Variants in DOK6 observed in about 807,000 individuals in gnomAD.
The protein encoded by DOK6 is downstream of tyrosine kinase 6.
A neutral mutation model predicts 44.0 loss-of-function variants in DOK6; 22 were observed. The observed-to-expected ratio is 0.50, with a 90% confidence interval of 0.36 to 0.71. The LOEUF is 0.71. Ranked by LOEUF, DOK6 falls within the 30% of genes least tolerant of loss-of-function variation. The pLI, the probability that DOK6 is intolerant of heterozygous loss-of-function variation, is 0.00. For missense variants in DOK6, 340 were observed against 416.4 expected (o/e 0.82, Z 1.60); for synonymous variants, 166 against 145.5 (o/e 1.14, Z -1.01).
intron 1 of DOK6, among the ~76,000 whole-genome samples, chr18:69,536,413 A>G (rs1982123818): frequency 6.6e-6 from 1 of 152,346 alleles, no homozygotes; most frequent in East Asian, 1.9e-4. Context: ...TAAAACTGCA[A>G]AGTAAAAGGG....
chr18:69,848,027 AC>A lies in DOK6; in HGVS notation c.*6645del, dbSNP rs1442213429. On this transcript the variant is annotated 3_prime_UTR_variant, in exon 8 of 8. Transcript: ENST00000382713. ...CCAACCTTAGTGCATGCTCACACAC[AC>A]ACACACACACACACACACACACACA... is the stretch of plus-strand genomic sequence containing the variant. The A allele has an allele frequency of 5.7e-4, 10 of 17,576 alleles. No individual in the cohort carries two copies. In the East Asian group the frequency reaches 0.045, roughly 78 times the overall value. 1.1% of individuals were successfully genotyped at this position (17,576 alleles called of 1,614,324 possible).
chr18:69,534,901 T>C (rs1329981100), intron 1 of DOK6, among the ~76,000 whole-genome samples: 1 of 152,140 alleles, frequency 6.6e-6, no homozygotes, highest in African/African-American at 2.4e-5. Context: ...TATAAAGACT[T>C]TTGAACGTTA....
chr18:69,653,507 T>C (rs956534737), intron 3 of DOK6, among the ~76,000 whole-genome samples: 3 of 151,988 alleles, frequency 2.0e-5, no homozygotes, highest in Non-Finnish European at 2.9e-5. Context: ...TAAGAGAACT[T>C]CCAATAGACT....
chr18:69,492,761 G>T (rs1395754793), intron 1 of DOK6, among the ~76,000 whole-genome samples: 1 of 130,778 alleles, frequency 7.6e-6, no homozygotes, highest in Non-Finnish European at 1.8e-5. Context: ...TTTTTCTATG[G>T]CTGCATAATA....
At chr18:69,693,004 G>T (rs970614497) in intron 4 of DOK6, among the ~76,000 whole-genome samples, 3 of 152,108 alleles carry the variant, frequency 2.0e-5, no homozygotes, top group Non-Finnish European at 4.4e-5. Flanking sequence ...TGTCACCAAT[G>T]ATCTAAATCA....
rs544858236 is a variant in DOK6, at chr18:69,726,881, G to A, written c.600-12084G>A. 6.4e-4 allele frequency among the ~76,000 whole-genome samples: 97 copies of A among 151,034 alleles called. 1 individual carries two copies. The highest frequency in any genetic ancestry group is 2.2e-3 in the African/African-American group (92 of 41,150). ...AAAAAAAAAAAAAAATTGAGACAGA[G>A]CCTCACTCTGTCACCCAGGCTGGAG... On this transcript the variant is annotated intron_variant, in intron 5 of 7. Transcript: ENST00000382713.
chr18:69,631,853 A>C (rs1984697954), intron 3 of DOK6, among the ~76,000 whole-genome samples: 1 of 152,208 alleles, frequency 6.6e-6, no homozygotes, highest in African/African-American at 2.4e-5. Context: ...GTTTCCTGAA[A>C]ATACATTTGT....
rs190745248 is a variant in DOK6 at position 69,583,697 on chromosome 18, G to A, written c.175-15687G>A. On this transcript the variant is annotated intron_variant, in intron 2 of 7. Transcript: ENST00000382713. ...TGTAAGAGGCTGAGGCAGCAGGATC[G>A]CTTGAGGCCAGGAAATCAAGACCAG... Among the ~76,000 whole-genome samples, 754 of 148,240 alleles carry A rather than the reference G, an allele frequency of 5.1e-3. 4 individuals are homozygous for A. Among genetic ancestry groups the A allele is most frequent in the African/African-American group, 0.017 (656 of 38,852 alleles).
chr18:69,708,988 T>G (rs1986698581), intron 5 of DOK6, among the ~76,000 whole-genome samples: 1 of 152,190 alleles, frequency 6.6e-6, no homozygotes, highest in African/African-American at 2.4e-5. Flanking sequence ...AGCATGATTT[T>G]GTAGCTTGAG....
chr18:69,587,864 G>A (rs1176015459), intron 2 of DOK6, among the ~76,000 whole-genome samples: 1 of 151,898 alleles, frequency 6.6e-6, no homozygotes, highest in African/African-American at 2.4e-5. Flanking sequence ...GTATTTCCCA[G>A]ACTTGAATAT....
rs557138233 is a variant in DOK6 at position 69,782,316 on chromosome 18, A to C, written c.856+24443A>C. Among the ~76,000 whole-genome samples the C allele has an allele frequency of 2.0e-5, 3 of 148,328 alleles. No individual in the cohort carries two copies. In the South Asian group the frequency reaches 6.4e-4, roughly 32 times the overall value. Reference sequence around the variant, plus strand: ...AAGCTCCACCTCCCAGGTTCACGCCATTCTCCTCCCTCAGCCTCCTGAGTA... The same window carrying C: ...AAGCTCCACCTCCCAGGTTCACGCCCTTCTCCTCCCTCAGCCTCCTGAGTA... On this transcript the variant is annotated intron_variant, in intron 7 of 7. Transcript: ENST00000382713.
At chr18:69,484,690 A>C (rs184948392) in intron 1 of DOK6, among the ~76,000 whole-genome samples, 151 of 152,254 alleles carry the variant, frequency 9.9e-4, no homozygotes, top group African/African-American at 3.5e-3. Flanking sequence ...TGATTCATTA[A>C]CATTGAACTC....
chr18:69,625,762 A>G (rs1984544234), intron 3 of DOK6, among the ~76,000 whole-genome samples: 1 of 152,236 alleles, frequency 6.6e-6, no homozygotes, highest in African/African-American at 2.4e-5. Flanking sequence ...CACATAAAAT[A>G]TTGGAAGACT....
At chr18:69,505,515 T>G (rs1328391524) in intron 1 of DOK6, among the ~76,000 whole-genome samples, 3 of 143,024 alleles carry the variant, frequency 2.1e-5, no homozygotes, top group African/African-American at 7.8e-5. Flanking sequence ...TTTTTTTTTT[T>G]GAAACAGAGT....
chr18:69,436,207 T>G (rs891139132), intron 1 of DOK6, among the ~76,000 whole-genome samples: 1 of 151,158 alleles, frequency 6.6e-6, no homozygotes. Context: ...CTGGGATACA[T>G]GTGCAGAACG....
At position 69,589,032 on chromosome 18, in the gene DOK6, C is replaced by G. The variant is rs138235143; in HGVS notation, c.175-10352C>G. ...TGTACACATTCATTTTTATCAGCAA[C>G]AGGAGGCAAATATAAGGAAGCAGCT... On this transcript the variant is annotated intron_variant, in intron 2 of 7. Transcript: ENST00000382713. Among the ~76,000 whole-genome samples the G allele has an allele frequency of 6.4e-3, 968 of 151,802 alleles. 13 individuals are homozygous for G. Among genetic ancestry groups the G allele is most frequent in the African/African-American group, 0.022 (904 of 41,396 alleles).
At chr18:69,636,895 A>G (rs1984822381) in intron 3 of DOK6, among the ~76,000 whole-genome samples, 1 of 152,260 alleles carries the variant, frequency 6.6e-6, no homozygotes, top group Non-Finnish European at 1.5e-5. Context: ...CAAAGGCAAA[A>G]TGCAGACTGG....
intron 5 of DOK6, among the ~76,000 whole-genome samples, chr18:69,699,102 C>A (rs968951278): frequency 6.6e-6 from 1 of 152,034 alleles, no homozygotes; most frequent in Non-Finnish European, 1.5e-5. Flanking sequence ...TGAAATGAAT[C>A]CTTGATTCAC....
At chr18:69,445,280 G>A (rs891487598) in intron 1 of DOK6, among the ~76,000 whole-genome samples, 1 of 152,140 alleles carries the variant, frequency 6.6e-6, no homozygotes, top group Middle Eastern at 3.2e-3. Flanking sequence ...TAACCAGTTT[G>A]AGTACCATTG....
Sources: gnomAD v4.1 joint callset for allele counts (sites outside exome capture counted in the v4.1 genomes callset) on GRCh38, gnomAD v4.1.1 for gene constraint, MANE v1.5 for transcripts, NCBI Gene and HGNC (gene_info 2026-07-23, HGNC 2026-07-21) for gene names.